Variants in SPPL2B observed in about 807,000 individuals in gnomAD.
SPPL2B encodes the protein signal peptide peptidase-like 2B.
A neutral mutation model predicts 59.7 loss-of-function variants in SPPL2B; 39 were observed. The observed-to-expected ratio is 0.65, with a 90% CI of 0.51 to 0.85. The LOEUF is 0.85. SPPL2B is among the 40% of genes least tolerant of loss of function. The probability of loss-of-function intolerance (pLI) is 0.00; values close to 1 mark genes in which losing one functional copy is unlikely to be tolerated. For synonymous variants in SPPL2B, 419 were observed against 370.8 expected (o/e 1.13, Z -1.49); for missense variants, 865 against 849.0 (o/e 1.02, Z -0.23).
rs1222382763 is a variant in SPPL2B at position 2,352,087 on chromosome 19, CAG to C, written c.1515+494_1515+495del. 2.6e-5 allele frequency among the ~76,000 whole-genome samples: 4 copies of C among 152,304 alleles called. No individual in the cohort carries two copies. In the South Asian group the frequency reaches 6.2e-4, roughly 24 times the overall value. On this transcript the variant is annotated intron_variant, in intron 14 of 14. Transcript: ENST00000613503. ...CTGTCCCCTGTCCCCCTTGGCAAGG[CAG>C]GGGGTGGTTGGCAAGGGTTAAACGT...
intron 1 of SPPL2B, among the ~76,000 whole-genome samples, chr19:2,333,014 G>T (rs1384080670): frequency 1.3e-4 from 14 of 108,010 alleles, no homozygotes; most frequent in Admixed American, 2.7e-4. Context: ...GCTGGACTGG[G>T]CTCTGCTGGG....
rs371536712 is a variant in SPPL2B, at chr19:2,334,648, G to T, written c.113G>T (p.Gly38Val). The T allele has an allele frequency of 1.1e-5, 17 of 1,612,910 alleles. No individual in the cohort carries two copies. The African/African-American group carries it at 1.9e-4, about 18-fold the overall frequency. The change falls in exon 2 of 15, where the codon GGC (glycine) becomes GTC (valine). Residue 38 changes from glycine (G) to valine (V), a missense_variant. Gly to Val is a moderately radical substitution (Grantham distance 109). Coordinates refer to ENST00000613503, the MANE Select transcript of SPPL2B (RefSeq NM_152988.3). ...GTGCACGTGGTCTCCCAGGCCGGGGGCCCCGAAGGCAAAGACTACTGCATC... is the reference window on the plus strand; with the variant it reads ...GTGCACGTGGTCTCCCAGGCCGGGGTCCCCGAAGGCAAAGACTACTGCATC... ...GMVHVVSQAG[G>V]PEGKDYCILY... is the part of the protein sequence containing the mutation.
intron 13 of SPPL2B, among the ~76,000 whole-genome samples, chr19:2,349,196 T>C (rs1357770909): frequency 3.6e-4 from 10 of 27,998 alleles, no homozygotes; most frequent in South Asian, 2.2e-3. Context: ...TGTCATTCGC[T>C]TGATTCCGTT....
At chr19:2,334,560 A>G in intron 1 of SPPL2B, 42 bp from the exon 2 acceptor site, 1 of 1,583,698 alleles carries the variant, frequency 6.3e-7, no homozygotes, top group Non-Finnish European at 8.6e-7. Context: ...GCAGCCCCGC[A>G]CGTCCCGTGC....
intron 13 of SPPL2B, among the ~76,000 whole-genome samples, chr19:2,346,630 G>C (rs555289943): frequency 9.9e-5 from 15 of 152,100 alleles, no homozygotes; most frequent in Non-Finnish European, 1.9e-4. Flanking sequence ...TCGTGCCACC[G>C]CACTCCAGCC....
At chr19:2,350,107 A>G (rs950823465) in intron 13 of SPPL2B, among the ~76,000 whole-genome samples, 8 of 144,074 alleles carry the variant, frequency 5.6e-5, no homozygotes, top group African/African-American at 2.1e-4. Flanking sequence ...CTCTCTCCAC[A>G]CACACTCGCG....
Position 2,336,792 on chromosome 19 carries a change from GGT to G in SPPL2B, c.187-637_187-636del, listed in dbSNP as rs3044122. ...GTGCATGCACTCCAGCCTGGCTGTG[GGT>G]GTGTGTGTGTGTGCGCGCTGGCCTG... On this transcript the variant is annotated intron_variant, in intron 2 of 14. Coordinates refer to ENST00000613503, the MANE Select transcript of SPPL2B (RefSeq NM_152988.3). Among the ~76,000 whole-genome samples the G allele has an allele frequency of 9.8e-4, 145 of 147,952 alleles. 2 individuals carry two copies. Among genetic ancestry groups the G allele is most frequent in the Admixed American group, 8.1e-4 (12 of 14,730 alleles).
chr19:2,346,979 C>G (rs931667059), intron 13 of SPPL2B, among the ~76,000 whole-genome samples: 2 of 152,210 alleles, frequency 1.3e-5, no homozygotes, highest in East Asian at 1.9e-4. Context: ...TAAGAGTGTT[C>G]TAGCAAATAA....
At chr19:2,345,462 TA>T (rs1337229207) in intron 13 of SPPL2B, 132 bp downstream of exon 13, 1 of 766,836 alleles carries the variant, frequency 1.3e-6, no homozygotes, top group Non-Finnish European at 2.2e-6. Flanking sequence ...ACCGTAACCA[TA>T]ACACCCTAAC....
intron 13 of SPPL2B, among the ~76,000 whole-genome samples, chr19:2,350,048 TTCTC>T (rs565962509): frequency 9.1e-5 from 13 of 142,282 alleles, no homozygotes; most frequent in South Asian, 4.7e-4. Context: ...CTTGATTCCG[TTCTC>T]TCTCTCCACA....
At chr19:2,352,791 G>A (rs1375353740) in intron 14 of SPPL2B, among the ~76,000 whole-genome samples, 155 bp from the exon 15 acceptor site, 4 of 152,208 alleles carry the variant, frequency 2.6e-5, no homozygotes, top group Admixed American at 6.5e-5. Flanking sequence ...CGTAGGTTAT[G>A]GAGCCGGCCC....
chr19:2,334,511 G>A, intron 1 of SPPL2B, 91 bp from the exon 2 acceptor site: 7 of 1,488,322 alleles, frequency 4.7e-6, no homozygotes, highest in South Asian at 1.3e-5. Flanking sequence ...CTTCCTGGAG[G>A]CGTCCTCCCC....
intron 13 of SPPL2B, among the ~76,000 whole-genome samples, chr19:2,346,937 A>G (rs983379943): frequency 3.9e-5 from 6 of 152,320 alleles, no homozygotes; most frequent in South Asian, 4.1e-4. Flanking sequence ...TGCCGGGAGC[A>G]GTGTGCTTGC....
At chr19:2,340,376 CA>C (rs150587739) in intron 7 of SPPL2B, 8,019 of 610,372 alleles carry the variant, frequency 0.013, 96 homozygotes, top group Middle Eastern at 0.048. Flanking sequence ...AGCCAGGCGC[CA>C]GGGGTGGCGG....
At chr19:2,336,644 CGT>C (rs542453426) in intron 2 of SPPL2B, among the ~76,000 whole-genome samples, 71 of 143,678 alleles carry the variant, frequency 4.9e-4, no homozygotes, top group African/African-American at 9.0e-4. Context: ...GCTGTGTGTG[CGT>C]GTGTGTGTGC....
intron 3 of SPPL2B, chr19:2,338,477 T>A (rs1427942854): frequency 2.6e-6 from 1 of 389,514 alleles, no homozygotes; most frequent in Non-Finnish European, 4.7e-6. Context: ...GTATGTGCGG[T>A]TCGGGAGTCC....
intron 5 of SPPL2B, among the ~76,000 whole-genome samples, chr19:2,339,414 G>T (rs370766620): frequency 1.3e-5 from 2 of 152,246 alleles, no homozygotes; most frequent in South Asian, 2.1e-4. Flanking sequence ...CCTGGTGGGT[G>T]TGTAGGGCTG....
chr19:2,351,011 G>T (rs754471345), intron 13 of SPPL2B, among the ~76,000 whole-genome samples: 1 of 152,228 alleles, frequency 6.6e-6, no homozygotes, highest in Non-Finnish European at 1.5e-5. Flanking sequence ...TATGCCCACA[G>T]CTCAGTGTTC....
At chr19:2,342,174 G>T (rs1341442626) in intron 8 of SPPL2B, 5 of 153,776 alleles carry the variant, frequency 3.3e-5, no homozygotes, top group Admixed American at 6.5e-5. Flanking sequence ...GCAGGGGCCA[G>T]CGGGGAGGGG....
Sources: gnomAD v4.1 joint callset for allele counts (sites outside exome capture counted in the v4.1 genomes callset) on GRCh38, gnomAD v4.1.1 for gene constraint, MANE v1.5 for transcripts, NCBI Gene and HGNC (gene_info 2026-07-23, HGNC 2026-07-21) for gene names.